Variants in RTN4 observed in about 807,000 individuals in gnomAD.
The protein encoded by RTN4 is reticulon 4.
RTN4 carries 32 observed loss-of-function variants against 90.4 expected under a neutral mutation model. The observed-to-expected ratio is 0.35, with a 90% confidence interval of 0.27 to 0.48. The LOEUF (loss-of-function observed/expected upper bound fraction) is 0.48. RTN4 is among the 20% of genes least tolerant of loss of function. The pLI is 0.99. For synonymous variants in RTN4, 629 were observed against 552.5 expected (o/e 1.14, Z -1.94); for missense variants, 1,706 against 1,430.2 (o/e 1.19, Z -3.11).
chr2:54,999,751 A>T (rs1183853855), intron 3 of RTN4, among the ~76,000 whole-genome samples: 1 of 152,184 alleles, frequency 6.6e-6, no homozygotes, highest in East Asian at 1.9e-4. Context: ...CCCAAATGCC[A>T]GGAAAAGTAA....
intron 1 of RTN4, among the ~76,000 whole-genome samples, chr2:55,039,453 AAAAG>A (rs554712462): frequency 2.2e-3 from 330 of 152,318 alleles, no homozygotes; most frequent in African/African-American, 7.4e-3. Flanking sequence ...TGTAAAAATA[AAAAG>A]AAAGAAAGAA....
At chr2:54,982,251 C>T (rs1315029136) in intron 5 of RTN4, among the ~76,000 whole-genome samples, 9 of 151,846 alleles carry the variant, frequency 5.9e-5, no homozygotes, top group Non-Finnish European at 1.3e-4. Context: ...CCACCACACC[C>T]GGCCCACAAG....
Position 55,049,784 on chromosome 2 carries a change from G to A in RTN4, c.517C>T (p.Pro173Ser), listed in dbSNP as rs1667994532. 2.3e-6 allele frequency: 3 copies of A among 1,319,820 alleles called. No homozygotes were observed. The highest frequency in any genetic ancestry group is 1.5e-5 in the African/African-American group (1 of 64,836). 81.8% of individuals were successfully genotyped at this position (1,319,820 alleles called of 1,614,324 possible). The change falls in exon 1 of 9, where the codon CCG becomes TCG. Residue 173 changes from proline to serine, a missense_variant. Physicochemically the swap from Pro to Ser is moderately conservative, Grantham distance 74 (BLOSUM62 -1). Transcript: ENST00000337526. Reference sequence around the variant, plus strand: ...GAGCCCCTGCGCTTGGGCGCGGCCGGGGTGGAGGGGGGCGCGGCGGGAGCC... The same window carrying A: ...GAGCCCCTGCGCTTGGGCGCGGCCGAGGTGGAGGGGGGCGCGGCGGGAGCC... ...APAPAAPPST[P>S]AAPKRRGSSG...
intron 1 of RTN4, among the ~76,000 whole-genome samples, chr2:55,092,829 C>T (rs1204566145): frequency 2.0e-5 from 3 of 152,368 alleles, no homozygotes; most frequent in East Asian, 3.9e-4. Context: ...GAGCTAGAAG[C>T]GGCCCCAGGA....
chr2:55,047,630 T>A (rs1407749198), intron 1 of RTN4, among the ~76,000 whole-genome samples: 1 of 152,108 alleles, frequency 6.6e-6, no homozygotes, highest in East Asian at 1.9e-4. Flanking sequence ...TCTAACATCC[T>A]ACAAGGCTAT....
the RTN4 span, among the ~76,000 whole-genome samples, chr2:55,131,734 A>T: frequency 2.0e-4 from 30 of 152,088 alleles, no homozygotes; most frequent in Non-Finnish European, 3.8e-4. Context: ...AAATACAAAA[A>T]TTAGCCGGGC....
At position 55,018,042 on chromosome 2, in the gene RTN4, G is replaced by A. The variant is rs188090596; in HGVS notation, c.3013+7044C>T. 5.4e-4 allele frequency among the ~76,000 whole-genome samples: 82 copies of A among 152,318 alleles called. 1 individual carries two copies. Among genetic ancestry groups the A allele is most frequent in the African/African-American group, 1.9e-3 (79 of 41,584 alleles). On this transcript the variant is annotated intron_variant, in intron 3 of 8. Transcript: ENST00000337526. Reference sequence around the variant, plus strand: ...AATACAAATAAGAAGTTAGCCCAATGTCTGAAACACGGCAGAAGCTCAAAA... The same window carrying A: ...AATACAAATAAGAAGTTAGCCCAATATCTGAAACACGGCAGAAGCTCAAAA...
intron 4 of RTN4, among the ~76,000 whole-genome samples, chr2:54,984,104 C>T (rs1053520150): frequency 6.6e-6 from 1 of 152,070 alleles, no homozygotes; most frequent in Admixed American, 6.6e-5. Context: ...CTGGTGATAC[C>T]TTATTTAGCC....
chr2:55,118,700 A>G, the RTN4 span, among the ~76,000 whole-genome samples: 2 of 152,224 alleles, frequency 1.3e-5, no homozygotes, highest in Non-Finnish European at 2.9e-5. Flanking sequence ...TTCTGAAGCC[A>G]TGCAACCAGC....
intron 3 of RTN4, among the ~76,000 whole-genome samples, chr2:55,007,030 T>C (rs776415739): frequency 3.3e-5 from 5 of 152,180 alleles, no homozygotes; most frequent in Non-Finnish European, 7.4e-5. Context: ...TGTTCTATCA[T>C]CACTTCAAAT....
At chr2:55,040,552 G>C (rs1472739176) in intron 1 of RTN4, among the ~76,000 whole-genome samples, 1 of 152,068 alleles carries the variant, frequency 6.6e-6, no homozygotes, top group Non-Finnish European at 1.5e-5. Flanking sequence ...ACAAAGTTGG[G>C]GAGAAAGAAC....
At chr2:55,050,600 G>T (rs1428357577), upstream of RTN4, 1 of 267,356 alleles carries the variant, frequency 3.7e-6, no homozygotes, top group African/African-American at 2.2e-5. The surrounding 1 kb of genome is among the most constrained non-coding windows in gnomAD (Gnocchi z 4.6). Context: ...GCAGGGACTG[G>T]CGCGGGAGGG....
At chr2:55,097,108 A>G (rs139899209) in intron 1 of RTN4, among the ~76,000 whole-genome samples, 146 of 151,834 alleles carry the variant, frequency 9.6e-4, no homozygotes, top group Middle Eastern at 6.8e-3. Context: ...AGGCCAAGAG[A>G]AGTTCTAGGC....
At position 55,025,917 on chromosome 2, in the gene RTN4, C is replaced by T. The variant is rs1363468380; in HGVS notation, c.2182G>A (p.Val728Met). The T allele has an allele frequency of 6.2e-7, 1 of 1,613,386 alleles. No homozygotes were observed. Among genetic ancestry groups the T allele is most frequent in the South Asian group, 1.1e-5 (1 of 90,920 alleles). ...TCAACTAGCTCAGAATGATCAGGCA[C>T]TGGCTGTTCAACTTTTGCCATTTCT... ...YSEMAKVEQP[V>M]PDHSELVEDS... Residue 728 changes from valine (V) to methionine (M), a missense_variant, in exon 3 of 9, where the codon GTG becomes ATG. Coordinates refer to ENST00000337526, the MANE Select transcript of RTN4 (RefSeq NM_020532.5).
chr2:55,014,090 G>C (rs1680850935), intron 3 of RTN4, among the ~76,000 whole-genome samples: 1 of 152,096 alleles, frequency 6.6e-6, no homozygotes, highest in Admixed American at 6.5e-5. Flanking sequence ...ATACTGAAAG[G>C]AGTTAATTTT....
At chr2:55,132,235 G>C in the RTN4 span, among the ~76,000 whole-genome samples, 1 of 152,196 alleles carries the variant, frequency 6.6e-6, no homozygotes. Context: ...AGGCGCAGTG[G>C]CTCATGCTTG....
In RTN4 at chr2:54,972,930, G is replaced by C. The variant is rs200990119; in HGVS notation, c.*226C>G. On this transcript the variant is annotated 3_prime_UTR_variant, in exon 9 of 9. Coordinates refer to ENST00000337526, the MANE Select transcript of RTN4 (RefSeq NM_020532.5). ...ATAGATAGGAAAAAGATATGATTAC[G>C]GTTTAAATCCATACATAGCAGCTTA... The C allele has an allele frequency of 7.8e-6, 3 of 385,468 alleles. No homozygotes were observed. The highest frequency in any genetic ancestry group is 9.3e-6 in the Non-Finnish European group (2 of 215,940). 23.9% of individuals were successfully genotyped at this position (385,468 alleles called of 1,614,324 possible).
chr2:55,011,400 C>T (rs1680631262), intron 3 of RTN4, among the ~76,000 whole-genome samples: 1 of 152,168 alleles, frequency 6.6e-6, no homozygotes, highest in Non-Finnish European at 1.5e-5. Flanking sequence ...CTTTATAAAA[C>T]TGATTTTCAT....
the RTN4 span, among the ~76,000 whole-genome samples, chr2:55,130,069 T>C: frequency 2.6e-5 from 4 of 152,154 alleles, no homozygotes; most frequent in Non-Finnish European, 5.9e-5. Flanking sequence ...AATTATAAAA[T>C]TGTTTGTGAA....
Sources: gnomAD v4.1 joint callset for allele counts (sites outside exome capture counted in the v4.1 genomes callset) on GRCh38, gnomAD v4.1.1 for gene constraint, Gnocchi (gnomAD v3.1) non-coding constraint, MANE v1.5 for transcripts, NCBI Gene and HGNC (gene_info 2026-07-23, HGNC 2026-07-21) for gene names.